Variants in CSNK1D observed in about 807,000 individuals in gnomAD.
CSNK1D encodes casein kinase I isoform delta.
A neutral mutation model predicts 46.6 loss-of-function variants in CSNK1D; 16 were observed. The ratio of observed to expected loss-of-function variants is 0.34; its 90% CI spans 0.23 to 0.52. CSNK1D has a LOEUF of 0.52. CSNK1D is among the 20% of genes least tolerant of loss of function. CSNK1D has a pLI of 0.95. For missense variants in CSNK1D, 398 were observed against 578.4 expected, an observed-to-expected ratio of 0.69 and a Z score of 3.20; for synonymous variants, 276 against 228.2, an observed-to-expected ratio of 1.21 and a Z score of -1.89.
intron 8 of CSNK1D, chr17:82,247,576 A>G: frequency 1.0e-6 from 1 of 985,442 alleles, no homozygotes; most frequent in Non-Finnish European, 1.2e-6. Context: ...GGGGCTACAG[A>G]GCCAGCCGCA....
chr17:82,247,329 A>G (rs2050876226), intron 8 of CSNK1D: 1 of 985,308 alleles, frequency 1.0e-6, no homozygotes, highest in Non-Finnish European at 1.2e-6. Flanking sequence ...AGGTGCCGCC[A>G]AGGCCGTGTA....
intron 2 of CSNK1D, among the ~76,000 whole-genome samples, chr17:82,257,363 G>A (rs2051198719): frequency 6.6e-6 from 1 of 151,910 alleles, no homozygotes; most frequent in Non-Finnish European, 1.5e-5. Context: ...TTAATCTTTT[G>A]CTTTATGAGT....
chr17:82,265,850 C>T (rs2147215546), intron 1 of CSNK1D, 54 bp from the exon 2 acceptor site: 1 of 1,383,098 alleles, frequency 7.2e-7, no homozygotes. Flanking sequence ...ACCAAATAAC[C>T]CAACATGCTG....
chr17:82,268,289 C>A (rs1410343541), intron 1 of CSNK1D, among the ~76,000 whole-genome samples: 1 of 152,210 alleles, frequency 6.6e-6, no homozygotes, highest in Admixed American at 6.5e-5. Flanking sequence ...CTGCTCAGAC[C>A]CCCTGGCCTG....
chr17:82,245,913 T>C, intron 8 of CSNK1D: 1 of 1,509,582 alleles, frequency 6.6e-7, no homozygotes, highest in Non-Finnish European at 9.0e-7. Context: ...CTCCCATGGG[T>C]GGGGCATGGT....
chr17:82,256,821 A>G (rs773334430), intron 2 of CSNK1D, among the ~76,000 whole-genome samples: 33 of 151,960 alleles, frequency 2.2e-4, no homozygotes, highest in Non-Finnish European at 3.2e-4. Context: ...CCGCAACTAT[A>G]CACATGGCTC....
downstream of CSNK1D, chr17:82,240,111 C>A: frequency 2.5e-6 from 3 of 1,215,586 alleles, no homozygotes; most frequent in South Asian, 1.2e-4. Context: ...CCAGCTGTCC[C>A]CATCTGCCCC....
Position 82,255,393 on chromosome 17 carries a change from G to GC in CSNK1D, c.336+35dup, listed in dbSNP as rs1434102733. 1.9e-6 allele frequency: 3 copies of GC among 1,612,572 alleles called. No homozygotes were observed. Among genetic ancestry groups the GC allele is most frequent in the Non-Finnish European group, 2.5e-6 (3 of 1,178,756 alleles). Reference sequence around the variant, plus strand: ...AGCGAGTGGCTGATTCTATCAGACAGCAAGTGTGTGCCAACTGTCAGGAAA... The same window carrying GC: ...AGCGAGTGGCTGATTCTATCAGACAGCCAAGTGTGTGCCAACTGTCAGGAAA... On this transcript the variant is annotated intron_variant, in intron 3 of 8. Transcript: ENST00000314028. This position sits in a 1 kb window ranked among gnomAD's most constrained non-coding sequence, Gnocchi z 5.9.
downstream of CSNK1D, among the ~76,000 whole-genome samples, chr17:82,240,921 G>A (rs905176692): frequency 6.6e-6 from 1 of 152,184 alleles, no homozygotes; most frequent in Non-Finnish European, 1.5e-5. Flanking sequence ...GCTCTGACCC[G>A]ACAGGCAGGA....
In CSNK1D at chr17:82,244,724, G is replaced by A; in HGVS notation, c.*57C>T. The A allele has an allele frequency of 6.2e-6, 10 of 1,613,076 alleles. No individual in the cohort carries two copies. The highest frequency in any genetic ancestry group is 5.0e-5 in the Admixed American group (3 of 60,010). Reference sequence around the variant, plus strand: ...GGGACGTGTCACTAGTAAAGCCATTGGTAACAGAGTAGATCAGCCATGCAT... The same window carrying A: ...GGGACGTGTCACTAGTAAAGCCATTAGTAACAGAGTAGATCAGCCATGCAT... On this transcript the variant is annotated 3_prime_UTR_variant, in exon 9 of 9. Coordinates refer to ENST00000314028, the MANE Select transcript of CSNK1D (RefSeq NM_001893.6).
At chr17:82,253,432 C>A in intron 3 of CSNK1D, 188 bp from the exon 4 acceptor site, 1 of 632,000 alleles carries the variant, frequency 1.6e-6, no homozygotes, top group South Asian at 1.6e-5. Context: ...AGCAACCCTC[C>A]ACACTCCACC....
chr17:82,257,414 A>G (rs2147190084), intron 2 of CSNK1D, among the ~76,000 whole-genome samples: 1 of 152,294 alleles, frequency 6.6e-6, no homozygotes, highest in East Asian at 1.9e-4. Flanking sequence ...TTCTGCCCTC[A>G]GCGTCAAAAA....
At chr17:82,239,436 C>T (rs1423752160), downstream of CSNK1D, 2 of 169,932 alleles carry the variant, frequency 1.2e-5, no homozygotes, top group South Asian at 1.9e-4. Flanking sequence ...TCTTTCCACC[C>T]CTGGAAGATG....
At chr17:82,270,893 T>C (rs974494939) in intron 1 of CSNK1D, among the ~76,000 whole-genome samples, 4 of 152,162 alleles carry the variant, frequency 2.6e-5, no homozygotes, top group Non-Finnish European at 4.4e-5. Flanking sequence ...CCAGCATGAC[T>C]GTATGCCCAG....
rs2050950822 is a variant in CSNK1D at position 82,249,714 on chromosome 17, G to A, written c.886-112C>T. 9 of 1,521,666 alleles carry A rather than the reference G, an allele frequency of 5.9e-6. No individual in the cohort carries two copies. The South Asian group carries it at 6.1e-5, about 10-fold the overall frequency. 94.3% of individuals were successfully genotyped at this position (1,521,666 alleles called of 1,614,324 possible). On this transcript the variant is annotated intron_variant, in intron 6 of 8. Coordinates refer to ENST00000314028, the MANE Select transcript of CSNK1D (RefSeq NM_001893.6). The surrounding 1 kb of genome is among the most constrained non-coding windows in gnomAD (Gnocchi z 6.7). ...AATACCTACCAAAGGGCACTGGGAC[G>A]AGACTGCCTGCAAAGCCCCCCACAG...
At chr17:82,241,709 G>C (rs2050744100), downstream of CSNK1D, among the ~76,000 whole-genome samples, 1 of 152,238 alleles carries the variant, frequency 6.6e-6, no homozygotes, top group Non-Finnish European at 1.5e-5. Flanking sequence ...ACCACGTGAG[G>C]CGGGCTGGAG....
Position 82,250,977 on chromosome 17 carries a change from G to A in CSNK1D, c.885+402C>T. On this transcript the variant is annotated intron_variant, in intron 6 of 8. Transcript: ENST00000314028. This position sits in a 1 kb window ranked among gnomAD's most constrained non-coding sequence, Gnocchi z 4.6. Reference sequence around the variant, plus strand: ...ATGACAGGGTCAGTCAGGCTAGACGGGTAGCACCTCACCAGGCCCCAACCC... The same window carrying A: ...ATGACAGGGTCAGTCAGGCTAGACGAGTAGCACCTCACCAGGCCCCAACCC... The A allele has an allele frequency of 3.1e-6, 1 of 320,062 alleles. No individual in the cohort carries two copies. Among genetic ancestry groups the A allele is most frequent in the South Asian group, 2.7e-5 (1 of 37,558 alleles). The allele number at this position is 320,062 out of a possible 1,614,324, so 19.8% of individuals were successfully genotyped here.
At position 82,248,315 on chromosome 17, in the gene CSNK1D, G is replaced by C. The variant is rs982964768; in HGVS notation, c.1197+560C>G. The C allele has an allele frequency of 2.0e-6, 2 of 989,432 alleles. No homozygotes were observed. Among genetic ancestry groups the C allele is most frequent in the Admixed American group, 5.9e-5 (1 of 17,010 alleles). The allele number at this position is 989,432 out of a possible 1,614,324, so 61.3% of individuals were successfully genotyped here. A position where few individuals can be genotyped will look rare whatever the true frequency, so the allele number is the denominator to read the frequency against. ...GACCGCTGCAGGATGCTGAAGAGGC[G>C]GTGGCCGTGGCTAGGCCTGGGCTGC... On this transcript the variant is annotated intron_variant, in intron 8 of 8. Transcript: ENST00000314028. This position sits in a 1 kb window ranked among gnomAD's most constrained non-coding sequence, Gnocchi z 4.1.
chr17:82,253,545 G>A (rs765271948), intron 3 of CSNK1D: 30 of 416,808 alleles, frequency 7.2e-5, no homozygotes, highest in Non-Finnish European at 1.2e-4. Context: ...TCCCAGCACT[G>A]TTCTCTGCAC....
Sources: allele counts gnomAD v4.1 joint callset (sites outside exome capture counted in the v4.1 genomes callset), GRCh38; gene constraint gnomAD v4.1.1; non-coding constraint Gnocchi (gnomAD v3.1); transcripts MANE v1.5; gene names NCBI Gene and HGNC (gene_info 2026-07-23, HGNC 2026-07-21).